WWOX: variants seen among roughly 807,000 people sequenced by gnomAD.
WWOX encodes the protein WW domain-containing oxidoreductase.
A neutral mutation model predicts 46.2 loss-of-function variants in WWOX; 69 were observed. The ratio of observed to expected loss-of-function variants is 1.49; its 90% CI spans 1.23 to 1.82. The LOEUF is 1.82. Among genes scored for constraint, WWOX ranks in the 40% most tolerant of loss-of-function variants. The probability of loss-of-function intolerance (pLI) is 0.00; values close to 1 mark genes in which losing one functional copy is unlikely to be tolerated. For missense variants in WWOX, 919 were observed against 542.6 expected (o/e 1.69, Z -6.89); for synonymous variants, 359 against 202.6 (o/e 1.77, Z -6.56).
At chr16:78,717,525 C>T (rs781594666) in intron 8 of WWOX, among the ~76,000 whole-genome samples, 1 of 152,124 alleles carries the variant, frequency 6.6e-6, no homozygotes, top group Non-Finnish European at 1.5e-5. Context: ...GAAGGGTCTG[C>T]TGTGAAGGAT....
chr16:78,313,460 G>A (rs1017028695), intron 5 of WWOX, among the ~76,000 whole-genome samples: 5 of 152,138 alleles, frequency 3.3e-5, no homozygotes, highest in Admixed American at 6.5e-5. Context: ...TCTGCCTCCC[G>A]TTTAAAGCAA....
chr16:78,714,173 T>C (rs894900165), intron 8 of WWOX, among the ~76,000 whole-genome samples: 2 of 152,190 alleles, frequency 1.3e-5, no homozygotes, highest in African/African-American at 4.8e-5. Flanking sequence ...CTTCAACATA[T>C]ATGTCCTATA....
intron 8 of WWOX, among the ~76,000 whole-genome samples, chr16:79,104,464 G>A (rs899640776): frequency 6.6e-6 from 1 of 152,046 alleles, no homozygotes; most frequent in East Asian, 1.9e-4. Context: ...TATCATATTT[G>A]TAAAACAAAT....
intron 8 of WWOX, among the ~76,000 whole-genome samples, chr16:79,147,444 A>G (rs950143519): frequency 6.6e-6 from 1 of 152,140 alleles, no homozygotes; most frequent in Non-Finnish European, 1.5e-5. Context: ...GTTTAATTTC[A>G]TTGCTCAGTA....
chr16:78,502,019 A>G (rs1042431615), intron 8 of WWOX, among the ~76,000 whole-genome samples: 10 of 152,176 alleles, frequency 6.6e-5, no homozygotes, highest in African/African-American at 2.2e-4. Context: ...TGCAAAAGTA[A>G]GAATTGTATC....
intron 8 of WWOX, among the ~76,000 whole-genome samples, chr16:78,577,455 C>T (rs1440144035): frequency 6.6e-6 from 1 of 152,152 alleles, no homozygotes; most frequent in Non-Finnish European, 1.5e-5. Context: ...TTAGCTGGCT[C>T]ACCTTTCATG....
Position 78,804,446 on chromosome 16 carries a change from A to G in WWOX, c.1056+371694A>G, listed in dbSNP as rs2050975467. Among the ~76,000 whole-genome samples the G allele has an allele frequency of 5.3e-5, 8 of 152,268 alleles. No homozygotes were observed. The South Asian group carries it at 1.7e-3, about 32-fold the overall frequency. On this transcript the variant is annotated intron_variant, in intron 8 of 8. Transcript: ENST00000566780. Reference sequence around the variant, plus strand: ...AAAAAAAAAAAGAAAGAAAGAATTGAAATGATGAGAAAAGACTTTTAATAT... The same window carrying G: ...AAAAAAAAAAAGAAAGAAAGAATTGGAATGATGAGAAAAGACTTTTAATAT...
intron 8 of WWOX, among the ~76,000 whole-genome samples, chr16:78,460,440 C>T (rs192754270): frequency 2.6e-5 from 4 of 152,340 alleles, no homozygotes; most frequent in East Asian, 1.9e-4. Flanking sequence ...AGTGTAATAA[C>T]CTGTCTTCAG....
chr16:78,735,394 A>ACACAC (rs2049064573), intron 8 of WWOX, among the ~76,000 whole-genome samples: 1 of 121,276 alleles, frequency 8.2e-6, no homozygotes, highest in African/African-American at 3.1e-5. Context: ...ACCACACACA[A>ACACAC]ACACACACAC....
intron 7 of WWOX, among the ~76,000 whole-genome samples, chr16:78,427,355 A>G (rs1445244513): frequency 6.6e-6 from 1 of 152,234 alleles, no homozygotes; most frequent in Non-Finnish European, 1.5e-5. Flanking sequence ...GAGTTTCTGC[A>G]TACCTAAAAT....
In WWOX at chr16:78,422,840, C is replaced by CACACATATAT. The variant is rs1567563698; in HGVS notation, c.606-2029_606-2028insCACATATATA. 3.5e-4 allele frequency among the ~76,000 whole-genome samples: 27 copies of CACACATATAT among 77,238 alleles called. 4 individuals are homozygous for CACACATATAT. Among genetic ancestry groups the CACACATATAT allele is most frequent in the African/African-American group, 1.8e-3 (27 of 15,314 alleles). The allele number at this position is 77,238 out of a possible 152,430, so 50.7% of individuals were successfully genotyped here. On this transcript the variant is annotated intron_variant, in intron 6 of 8. Transcript: ENST00000566780. ...ATATACACACACATATATATATATACATATACACACACACACACACACACA... is the reference window on the plus strand; with the variant it reads ...ATATACACACACATATATATATATACACACATATATATATACACACACACACACACACACA...
At chr16:78,239,697 G>C (rs1472759418) in intron 5 of WWOX, among the ~76,000 whole-genome samples, 1 of 151,962 alleles carries the variant, frequency 6.6e-6, no homozygotes, top group African/African-American at 2.4e-5. Flanking sequence ...ACCACGTCTG[G>C]CTAGTTTTTG....
At chr16:78,249,597 G>A (rs2037925017) in intron 5 of WWOX, among the ~76,000 whole-genome samples, 1 of 152,232 alleles carries the variant, frequency 6.6e-6, no homozygotes, top group Non-Finnish European at 1.5e-5. Flanking sequence ...GCATGCAGGT[G>A]AGAAGGCCGT....
chr16:78,934,706 T>C (rs1209786438), intron 8 of WWOX, among the ~76,000 whole-genome samples: 1 of 152,230 alleles, frequency 6.6e-6, no homozygotes, highest in South Asian at 2.1e-4. Flanking sequence ...TAAACTCTTA[T>C]TTGACAGTGG....
chr16:78,729,506 G>A (rs1254366909), intron 8 of WWOX, among the ~76,000 whole-genome samples: 3 of 152,192 alleles, frequency 2.0e-5, no homozygotes, highest in Admixed American at 2.0e-4. Context: ...CAGAAGAGGA[G>A]GAGTCCATGC....
chr16:78,848,743 A>G (rs538869395), intron 8 of WWOX, among the ~76,000 whole-genome samples: 3 of 152,068 alleles, frequency 2.0e-5, no homozygotes, highest in South Asian at 2.1e-4. Flanking sequence ...TTGAACCACC[A>G]GTTCTCAATG....
At chr16:78,321,404 G>GTATATATACGTA (rs2080478424) in intron 5 of WWOX, among the ~76,000 whole-genome samples, 1 of 119,748 alleles carries the variant, frequency 8.4e-6, no homozygotes, top group Non-Finnish European at 1.7e-5. Context: ...GTATATATAC[G>GTATATATACGTA]TATATATATA....
At chr16:79,086,153 G>A (rs572676334) in intron 8 of WWOX, among the ~76,000 whole-genome samples, 6 of 152,038 alleles carry the variant, frequency 3.9e-5, no homozygotes, top group Admixed American at 2.6e-4. Context: ...TTCTTTAAAC[G>A]GATCACATTG....
chr16:78,554,306 C>G (rs980513610), intron 8 of WWOX, among the ~76,000 whole-genome samples: 2 of 152,016 alleles, frequency 1.3e-5, no homozygotes, highest in Admixed American at 6.5e-5. Flanking sequence ...GCCTAGTGTT[C>G]CATTATTGGA....
Sources: allele counts gnomAD v4.1 joint callset (sites outside exome capture counted in the v4.1 genomes callset), GRCh38; gene constraint gnomAD v4.1.1; transcripts MANE v1.5; gene names NCBI Gene and HGNC (gene_info 2026-07-23, HGNC 2026-07-21).